The following ENOX2 variants were observed in gnomAD, a reference collection of about 807,000 sequenced individuals.
ENOX2 encodes APK1 antigen.
ENOX2 carries 36 observed loss-of-function variants against 45.0 expected under a neutral mutation model. The observed-to-expected ratio is 0.80, with a 90% CI of 0.61 to 1.06. The LOEUF is 1.06. ENOX2 is among the 50% of genes least tolerant of loss of function. The pLI is 0.00. For missense variants in ENOX2, 423 were observed against 462.5 expected (o/e 0.91, Z 0.78); for synonymous variants, 174 against 152.3 (o/e 1.14, Z -1.05).
chrX:130,640,221 T>C (rs191229531), intron 10 of ENOX2, among the ~76,000 whole-genome samples: 170 of 112,236 alleles, frequency 1.5e-3, no homozygotes, highest in African/African-American at 5.1e-3. Flanking sequence ...ACATGAATTT[T>C]GGAGGATACA....
chrX:130,809,324 C>T (rs1213807076), intron 2 of ENOX2, among the ~76,000 whole-genome samples: 1 of 112,311 alleles, frequency 8.9e-6, no homozygotes, highest in Non-Finnish European at 1.9e-5. Flanking sequence ...GGCATATCCA[C>T]TTCAGATAGC....
intron 9 of ENOX2, 65 bp from the exon 10 acceptor site, chrX:130,656,760 T>C (rs1340938264): frequency 6.1e-6 from 4 of 651,592 alleles, no homozygotes; most frequent in Non-Finnish European, 9.8e-6. Context: ...ATGAATGGAG[T>C]TAAGGATAAG....
chrX:130,790,661 T>A (rs764126378), intron 2 of ENOX2, among the ~76,000 whole-genome samples: 5 of 111,982 alleles, frequency 4.5e-5, no homozygotes, highest in Non-Finnish European at 9.4e-5. Context: ...CTTTCCTACC[T>A]CCACACCTTT....
chrX:130,644,565 GA>G (rs1331142160), intron 10 of ENOX2, among the ~76,000 whole-genome samples: 2 of 111,501 alleles, frequency 1.8e-5, no homozygotes, highest in Admixed American at 9.5e-5. Flanking sequence ...GTGCTAAAAA[GA>G]AATGAGCCAT....
chrX:130,708,244 A>G (rs1011142707), intron 3 of ENOX2, among the ~76,000 whole-genome samples: 13 of 111,954 alleles, frequency 1.2e-4, no homozygotes, highest in African/African-American at 3.9e-4. Flanking sequence ...TGAGCGCTCA[A>G]TAAATGGCCA....
At chrX:130,896,902 G>A (rs1026459956) in intron 2 of ENOX2, among the ~76,000 whole-genome samples, 6 of 111,603 alleles carry the variant, frequency 5.4e-5, no homozygotes, top group African/African-American at 9.8e-5. Flanking sequence ...ATATACACTC[G>A]ACTGTATGTC....
rs757939386 is a variant in ENOX2 at position 130,647,695 on chromosome X, AT to A, written c.1129+8885del. ...CTCAGGATTGAGCAAGGTCTTTTTT[AT>A]TTATTTTTTTTTGTTGAAATTATTG... On this transcript the variant is annotated intron_variant, in intron 10 of 14. Coordinates refer to ENST00000394363, the MANE Select transcript of ENOX2 (RefSeq NM_006375.4). Among the ~76,000 whole-genome samples, 8 of 111,076 alleles carry A rather than the reference AT, an allele frequency of 7.2e-5. No individual in the cohort carries two copies. In the East Asian group the frequency reaches 2.3e-3, roughly 31 times the overall value.
At chrX:130,659,349 T>C (rs911826007) in intron 9 of ENOX2, among the ~76,000 whole-genome samples, 1 of 112,040 alleles carries the variant, frequency 8.9e-6, no homozygotes, top group Non-Finnish European at 1.9e-5. Flanking sequence ...GTATCATCAC[T>C]GATAGTTAAG....
At chrX:130,820,167 T>G (rs1352027424) in intron 2 of ENOX2, among the ~76,000 whole-genome samples, 1 of 112,270 alleles carries the variant, frequency 8.9e-6, no homozygotes, top group Non-Finnish European at 1.9e-5. Context: ...AATAGACATT[T>G]CTCAAAAGAA....
At position 130,829,503 on chromosome X, in the gene ENOX2, A is replaced by G. The variant is rs760555487; in HGVS notation, c.-182-45813T>C. Among the ~76,000 whole-genome samples the G allele has an allele frequency of 8.1e-5, 9 of 111,706 alleles. No homozygotes were observed. The South Asian group carries it at 1.1e-3, about 14-fold the overall frequency. Reference sequence around the variant, plus strand: ...TGCCACACTATCACCCTGAAGCAAAATGAGGTGCTCTAAATAGGGTGTTAG... The same window carrying G: ...TGCCACACTATCACCCTGAAGCAAAGTGAGGTGCTCTAAATAGGGTGTTAG... On this transcript the variant is annotated intron_variant, in intron 2 of 14. Transcript: ENST00000394363.
At chrX:130,642,326 T>C (rs1005620235) in intron 10 of ENOX2, among the ~76,000 whole-genome samples, 13 of 112,008 alleles carry the variant, frequency 1.2e-4, no homozygotes, top group African/African-American at 4.2e-4. Flanking sequence ...AAGATATGGA[T>C]TGAATTGCTG....
intron 3 of ENOX2, among the ~76,000 whole-genome samples, chrX:130,781,365 C>G (rs2039964110): frequency 8.9e-6 from 1 of 112,206 alleles, no homozygotes. Context: ...AGAACTTCAG[C>G]ATATTCATTA....
intron 2 of ENOX2, among the ~76,000 whole-genome samples, chrX:130,809,668 C>T (rs1166269423): frequency 9.0e-6 from 1 of 111,134 alleles, no homozygotes; most frequent in Non-Finnish European, 1.9e-5. Context: ...GTCATAGTTA[C>T]AATTAGGAAA....
At chrX:130,639,373 T>C (rs747658664) in intron 10 of ENOX2, among the ~76,000 whole-genome samples, 2 of 111,902 alleles carry the variant, frequency 1.8e-5, no homozygotes, top group Non-Finnish European at 3.8e-5. Context: ...TGAGAAGCAC[T>C]GGTGAAGTTC....
At chrX:130,728,903 C>A (rs901807449) in intron 3 of ENOX2, among the ~76,000 whole-genome samples, 1 of 111,413 alleles carries the variant, frequency 9.0e-6, no homozygotes, top group Non-Finnish European at 1.9e-5. Context: ...ACACGTGTGG[C>A]CTTTCACTTG....
chrX:130,793,924 T>C (rs755502970), intron 2 of ENOX2, among the ~76,000 whole-genome samples: 10 of 112,303 alleles, frequency 8.9e-5, no homozygotes, highest in Non-Finnish European at 1.7e-4. Context: ...AGATGGTAGA[T>C]GGGTGATCTA....
At chrX:130,773,095 TTG>T (rs1186973913) in intron 3 of ENOX2, among the ~76,000 whole-genome samples, 1 of 112,491 alleles carries the variant, frequency 8.9e-6, no homozygotes, top group Admixed American at 9.4e-5. Flanking sequence ...TCACAGCTTA[TTG>T]TGGTAACTTA....
At chrX:130,632,820 G>T (rs1408303543) in intron 12 of ENOX2, among the ~76,000 whole-genome samples, 1 of 111,942 alleles carries the variant, frequency 8.9e-6, no homozygotes, top group African/African-American at 3.2e-5. Flanking sequence ...TCAATCTTTG[G>T]CCTTTAGAAT....
intron 2 of ENOX2, among the ~76,000 whole-genome samples, chrX:130,870,751 T>A (rs1382241863): frequency 9.0e-6 from 1 of 111,724 alleles, no homozygotes; most frequent in Non-Finnish European, 1.9e-5. Flanking sequence ...AGCCACTCTA[T>A]CTTTCTAGAA....
Sources: allele counts gnomAD v4.1 joint callset (sites outside exome capture counted in the v4.1 genomes callset), GRCh38; gene constraint gnomAD v4.1.1; transcripts MANE v1.5; gene names NCBI Gene and HGNC (gene_info 2026-07-23, HGNC 2026-07-21).